The following SPAG16 variants were observed in gnomAD, a reference collection of about 807,000 sequenced individuals.
SPAG16 encodes the protein sperm associated antigen 16.
SPAG16 carries 86 observed loss-of-function variants against 80.4 expected under a neutral mutation model. That is an observed-to-expected ratio of 1.07 (90% CI 0.90 to 1.28). The LOEUF is 1.28. Ranked by LOEUF, SPAG16 falls within the 50% of genes most tolerant of loss-of-function variation. SPAG16 has a pLI of 0.00. For missense variants in SPAG16, 870 were observed against 765.3 expected (o/e 1.14, Z -1.61); for synonymous variants, 294 against 265.9 (o/e 1.11, Z -1.03).
chr2:213,859,838 G>A (rs1020647623), intron 10 of SPAG16, among the ~76,000 whole-genome samples: 3 of 152,198 alleles, frequency 2.0e-5, no homozygotes, highest in Non-Finnish European at 2.9e-5. Context: ...TAGCTACTAT[G>A]TGCCAGCTAC....
At chr2:214,280,968 G>C (rs775912633) in intron 15 of SPAG16, 13 of 447,442 alleles carry the variant, frequency 2.9e-5, no homozygotes, top group Non-Finnish European at 5.2e-5. Context: ...CTTGCTTTCA[G>C]AATCATAACC....
At chr2:213,315,694 CTT>C (rs35508590) in intron 4 of SPAG16, among the ~76,000 whole-genome samples, 32,861 of 150,182 alleles carry the variant, frequency 0.22, 4,423 homozygotes, top group Non-Finnish European at 0.31. Context: ...CTATTGAAAA[CTT>C]TTTTTTTTTT....
chr2:214,302,262 G>T (rs971067804), intron 15 of SPAG16, among the ~76,000 whole-genome samples: 3 of 152,116 alleles, frequency 2.0e-5, no homozygotes, highest in Non-Finnish European at 4.4e-5. Flanking sequence ...TGAAGTTGTT[G>T]GGTATAATAA....
intron 11 of SPAG16, among the ~76,000 whole-genome samples, chr2:213,928,374 G>T (rs1403755795): frequency 2.0e-5 from 3 of 151,562 alleles, no homozygotes; most frequent in Admixed American, 6.6e-5. Flanking sequence ...TTACAGGTGT[G>T]AGCCATCACA....
chr2:213,375,274 A>G, intron 9 of SPAG16, 155 bp downstream of exon 9: 1 of 506,152 alleles, frequency 2.0e-6, no homozygotes, highest in South Asian at 3.7e-5. Flanking sequence ...GAGGTATCCA[A>G]ATGTTACTAG....
Position 213,976,135 on chromosome 2 carries a change from T to TATATATATATATATATATAC in SPAG16, c.1401-37815_1401-37814insTATATATATATATATATACA, listed in dbSNP as rs749957411. On this transcript the variant is annotated intron_variant, in intron 12 of 15. Coordinates refer to ENST00000331683, the MANE Select transcript of SPAG16 (RefSeq NM_024532.5). ...ATATATATATATATATATATATATA[T>TATATATATATATATATATAC]ACACACACACACACACACACGTATG... Among the ~76,000 whole-genome samples, 117 of 81,330 alleles carry TATATATATATATATATATAC rather than the reference T, an allele frequency of 1.4e-3. 1 individual carries two copies. Among genetic ancestry groups the TATATATATATATATATATAC allele is most frequent in the South Asian group, 2.4e-3 (4 of 1,638 alleles). The allele number at this position is 81,330 out of a possible 152,430, so 53.4% of individuals were successfully genotyped here. A position where few individuals can be genotyped will look rare whatever the true frequency, so the allele number is the denominator to read the frequency against.
At chr2:213,775,108 G>A (rs2069492205) in intron 10 of SPAG16, among the ~76,000 whole-genome samples, 1 of 152,180 alleles carries the variant, frequency 6.6e-6, no homozygotes, top group African/African-American at 2.4e-5. Flanking sequence ...ATGACGACTT[G>A]CTCCTTTTCC....
At chr2:213,847,553 G>A (rs547445569) in intron 10 of SPAG16, among the ~76,000 whole-genome samples, 4 of 152,238 alleles carry the variant, frequency 2.6e-5, no homozygotes, top group South Asian at 2.1e-4. Context: ...CCAAAGGGAC[G>A]GTCCAAGCCA....
At chr2:214,167,992 C>A (rs985796674) in intron 15 of SPAG16, among the ~76,000 whole-genome samples, 2 of 133,458 alleles carry the variant, frequency 1.5e-5, no homozygotes, top group African/African-American at 5.5e-5. Flanking sequence ...TTTTCTTTTT[C>A]TCTTTTTTTT....
At chr2:214,002,596 G>A (rs1287222511) in intron 12 of SPAG16, among the ~76,000 whole-genome samples, 1 of 152,076 alleles carries the variant, frequency 6.6e-6, no homozygotes, top group Admixed American at 6.6e-5. Context: ...CAAGCTGGAG[G>A]CACAGGAAAG....
At chr2:213,682,720 T>C (rs1293649049) in intron 10 of SPAG16, among the ~76,000 whole-genome samples, 5 of 152,122 alleles carry the variant, frequency 3.3e-5, no homozygotes, top group Non-Finnish European at 7.4e-5. Flanking sequence ...GGCATGTTTC[T>C]GGTTGGATGG....
intron 10 of SPAG16, among the ~76,000 whole-genome samples, chr2:213,519,795 C>G (rs1417125680): frequency 6.6e-6 from 1 of 151,998 alleles, no homozygotes; most frequent in Non-Finnish European, 1.5e-5. Context: ...CACATGTTTT[C>G]ATAGTATACT....
At chr2:213,944,710 G>C (rs891397152) in intron 12 of SPAG16, among the ~76,000 whole-genome samples, 6 of 152,064 alleles carry the variant, frequency 3.9e-5, no homozygotes, top group African/African-American at 1.4e-4. Context: ...CTATATGTTT[G>C]TGTCCCTCCG....
At chr2:213,642,750 G>A (rs1199734160) in intron 10 of SPAG16, among the ~76,000 whole-genome samples, 2 of 48,036 alleles carry the variant, frequency 4.2e-5, no homozygotes, top group East Asian at 1.0e-3. Flanking sequence ...GAACCCGGGA[G>A]GCGGAGCTTG....
At chr2:214,057,223 T>G (rs2049993290) in intron 13 of SPAG16, among the ~76,000 whole-genome samples, 1 of 151,764 alleles carries the variant, frequency 6.6e-6, no homozygotes, top group Non-Finnish European at 1.5e-5. Context: ...TCAGAGGAAT[T>G]ATTAGCTATG....
intron 11 of SPAG16, among the ~76,000 whole-genome samples, chr2:213,915,924 G>T (rs1290912599): frequency 6.6e-6 from 1 of 152,126 alleles, no homozygotes; most frequent in Admixed American, 6.5e-5. Context: ...CTTCTTTTGA[G>T]AAATGTCTGT....
At chr2:213,818,216 C>T (rs576902192) in intron 10 of SPAG16, among the ~76,000 whole-genome samples, 7 of 152,240 alleles carry the variant, frequency 4.6e-5, no homozygotes, top group South Asian at 4.1e-4. Flanking sequence ...TGTTACCTTG[C>T]GCAGTAGATC....
At chr2:214,214,590 T>C (rs1006797939) in intron 15 of SPAG16, among the ~76,000 whole-genome samples, 1 of 152,168 alleles carries the variant, frequency 6.6e-6, no homozygotes, top group African/African-American at 2.4e-5. Context: ...AAATATCAGT[T>C]GAGTTTCTTA....
chr2:214,297,662 T>C (rs1694231587), intron 15 of SPAG16, among the ~76,000 whole-genome samples: 1 of 152,154 alleles, frequency 6.6e-6, no homozygotes, highest in Non-Finnish European at 1.5e-5. Flanking sequence ...TGTGGCTTTA[T>C]TTCTGGGTTC....
Sources: allele counts gnomAD v4.1 joint callset (sites outside exome capture counted in the v4.1 genomes callset), GRCh38; gene constraint gnomAD v4.1.1; transcripts MANE v1.5; gene names NCBI Gene and HGNC (gene_info 2026-07-23, HGNC 2026-07-21).